The following RHBDD1 variants were observed in gnomAD, a reference collection of about 807,000 sequenced individuals.
RHBDD1 encodes rhomboid-related protein 4.
A neutral mutation model predicts 36.3 loss-of-function variants in RHBDD1; 38 were observed. The ratio of observed to expected loss-of-function variants is 1.05; its 90% CI spans 0.81 to 1.37. RHBDD1 has a LOEUF of 1.37. Among genes scored for constraint, RHBDD1 ranks in the 40% most tolerant of loss-of-function variants. RHBDD1 has a pLI of 0.00. For missense variants in RHBDD1, 393 were observed against 377.6 expected, an observed-to-expected ratio of 1.04 and a Z score of -0.34; for synonymous variants, 151 against 136.5, an observed-to-expected ratio of 1.11 and a Z score of -0.74.
At chr2:226,869,094 T>C (rs979408394) in intron 5 of RHBDD1, 2 of 750,452 alleles carry the variant, frequency 2.7e-6, no homozygotes, top group Non-Finnish European at 3.2e-6. Flanking sequence ...CGTTTAATAT[T>C]CTTATGCAAC....
chr2:226,890,395 G>A (rs1215311845), intron 5 of RHBDD1, among the ~76,000 whole-genome samples: 1 of 152,136 alleles, frequency 6.6e-6, no homozygotes, highest in East Asian at 1.9e-4. Context: ...AGCTATATCT[G>A]TTAGAAGGTT....
chr2:226,849,879 C>T (rs902428625), intron 3 of RHBDD1, among the ~76,000 whole-genome samples: 4 of 151,880 alleles, frequency 2.6e-5, no homozygotes, highest in African/African-American at 4.8e-5. Flanking sequence ...TATTTTCTGT[C>T]TCTCTCTCTC....
chr2:226,894,935 C>T (rs549007674), intron 5 of RHBDD1, among the ~76,000 whole-genome samples: 15 of 152,116 alleles, frequency 9.9e-5, no homozygotes, highest in African/African-American at 3.4e-4. Context: ...AGCTGGGGGA[C>T]ATGGAGGGCA....
chr2:226,847,283 C>A (rs1403771811), intron 3 of RHBDD1, among the ~76,000 whole-genome samples: 1 of 152,076 alleles, frequency 6.6e-6, no homozygotes, highest in African/African-American at 2.4e-5. Flanking sequence ...TAAACATTAT[C>A]GTATTTTATG....
the RHBDD1 span, among the ~76,000 whole-genome samples, chr2:226,822,216 C>A: frequency 6.6e-6 from 1 of 152,342 alleles, no homozygotes; most frequent in East Asian, 1.9e-4. Flanking sequence ...TAGTCCCACT[C>A]TGTAATAGCT....
chr2:226,917,364 T>G (rs1948985775), intron 8 of RHBDD1, among the ~76,000 whole-genome samples: 2 of 152,122 alleles, frequency 1.3e-5, no homozygotes, highest in Non-Finnish European at 2.9e-5. Context: ...TTATTTTATA[T>G]TTTTTCTTCT....
intron 8 of RHBDD1, among the ~76,000 whole-genome samples, chr2:226,969,633 T>A (rs6718057): frequency 2.0e-5 from 3 of 151,870 alleles, no homozygotes; most frequent in Non-Finnish European, 2.9e-5. Context: ...ACTTCTTTCC[T>A]TTTCAGAACT....
intron 8 of RHBDD1, among the ~76,000 whole-genome samples, chr2:226,948,579 A>G (rs1411568791): frequency 1.6e-5 from 2 of 122,014 alleles, no homozygotes; most frequent in African/African-American, 6.7e-5. Flanking sequence ...AAAAAAAAAA[A>G]AAAAAACGAA....
At chr2:226,903,205 C>A (rs751690877) in intron 5 of RHBDD1, among the ~76,000 whole-genome samples, 28 of 152,246 alleles carry the variant, frequency 1.8e-4, no homozygotes, top group Non-Finnish European at 3.4e-4. Flanking sequence ...GTACAGTGGT[C>A]CCCCTTATCT....
the RHBDD1 span, among the ~76,000 whole-genome samples, chr2:226,821,947 G>A: frequency 1.1e-4 from 16 of 151,928 alleles, no homozygotes; most frequent in African/African-American, 3.4e-4. Context: ...AAAAAATTTC[G>A]TGTTATTATG....
the RHBDD1 span, among the ~76,000 whole-genome samples, chr2:226,802,023 C>T: frequency 6.6e-5 from 10 of 151,946 alleles, no homozygotes; most frequent in Middle Eastern, 6.8e-3. Flanking sequence ...TCCCTCCACC[C>T]CCCACCCCCC....
intron 5 of RHBDD1, among the ~76,000 whole-genome samples, chr2:226,882,980 G>C (rs1394154980): frequency 6.6e-6 from 1 of 152,062 alleles, no homozygotes; most frequent in African/African-American, 2.4e-5. Flanking sequence ...CTTCACAAAG[G>C]CCCCACCCTC....
At chr2:226,967,747 C>T (rs1467624688) in intron 8 of RHBDD1, among the ~76,000 whole-genome samples, 1 of 151,992 alleles carries the variant, frequency 6.6e-6, no homozygotes, top group Non-Finnish European at 1.5e-5. Flanking sequence ...TATGTCCACA[C>T]CCCCAAGAGG....
chr2:226,952,730 A>G (rs974811796), intron 8 of RHBDD1, among the ~76,000 whole-genome samples: 9 of 152,230 alleles, frequency 5.9e-5, no homozygotes, highest in East Asian at 1.9e-4. Context: ...CCCCTCCCCA[A>G]TGCCCACCTC....
intron 2 of RHBDD1, among the ~76,000 whole-genome samples, chr2:226,838,892 A>G (rs1295007037): frequency 1.3e-5 from 2 of 152,210 alleles, no homozygotes; most frequent in Admixed American, 6.5e-5. Flanking sequence ...AGCAAGGTAA[A>G]CATCCAAAGG....
chr2:226,976,768 C>T (rs549357187), intron 8 of RHBDD1, among the ~76,000 whole-genome samples: 1 of 152,256 alleles, frequency 6.6e-6, no homozygotes, highest in African/African-American at 2.4e-5. Flanking sequence ...TTGGGCCTAT[C>T]GGGTAGGTGT....
intron 7 of RHBDD1, among the ~76,000 whole-genome samples, chr2:226,911,684 C>G (rs146113864): frequency 7.3e-5 from 11 of 150,806 alleles, no homozygotes; most frequent in Admixed American, 1.3e-4. Flanking sequence ...TTTTCTGATT[C>G]TATTGGATAG....
intron 5 of RHBDD1, among the ~76,000 whole-genome samples, chr2:226,869,734 G>A (rs373887309): frequency 6.6e-5 from 10 of 152,298 alleles, no homozygotes; most frequent in Non-Finnish European, 8.8e-5. Flanking sequence ...CCTCATTCAC[G>A]TGGTGCTTTT....
chr2:226,844,160 G>GT (rs541687626), intron 3 of RHBDD1, among the ~76,000 whole-genome samples: 174 of 152,306 alleles, frequency 1.1e-3, no homozygotes, highest in Non-Finnish European at 2.1e-3. Context: ...TTCAAAAGTT[G>GT]TTGGTCACAT....
Sources: gnomAD v4.1 joint callset for allele counts (sites outside exome capture counted in the v4.1 genomes callset) on GRCh38, gnomAD v4.1.1 for gene constraint, MANE v1.5 for transcripts, NCBI Gene and HGNC (gene_info 2026-07-23, HGNC 2026-07-21) for gene names.